Variants in CNTNAP5 observed in about 807,000 individuals in gnomAD.
CNTNAP5 encodes the protein contactin associated protein family member 5.
A neutral mutation model predicts 150.2 loss-of-function variants in CNTNAP5; 72 were observed. The observed-to-expected ratio is 0.48, with a 90% CI of 0.40 to 0.58. CNTNAP5 has a LOEUF of 0.58. Ranked by LOEUF, CNTNAP5 falls within the 20% of genes least tolerant of loss-of-function variation. The probability of loss-of-function intolerance (pLI) is 0.00; values close to 1 mark genes in which losing one functional copy is unlikely to be tolerated. For missense variants in CNTNAP5, 1,636 were observed against 1,626.2 expected (o/e 1.01, Z -0.10); for synonymous variants, 672 against 619.8 (o/e 1.08, Z -1.25).
chr2:124,856,132 T>G (rs919987251), intron 19 of CNTNAP5, among the ~76,000 whole-genome samples: 6 of 151,472 alleles, frequency 4.0e-5, no homozygotes, highest in Non-Finnish European at 7.4e-5. Context: ...ATAAAGAAAT[T>G]GTGTGTGGGG....
At chr2:124,231,815 A>G (rs771952208) in intron 2 of CNTNAP5, among the ~76,000 whole-genome samples, 11 of 152,146 alleles carry the variant, frequency 7.2e-5, no homozygotes, top group Non-Finnish European at 1.5e-4. Flanking sequence ...TCTCAAATTG[A>G]GACAAATTCA....
intron 19 of CNTNAP5, among the ~76,000 whole-genome samples, chr2:124,851,697 G>A (rs749973784): frequency 6.6e-6 from 1 of 152,166 alleles, no homozygotes; most frequent in Non-Finnish European, 1.5e-5. Flanking sequence ...AGTGAGGAAG[G>A]AGAAGGCAGA....
At chr2:124,140,143 C>T (rs1462020048) in intron 1 of CNTNAP5, among the ~76,000 whole-genome samples, 2 of 151,448 alleles carry the variant, frequency 1.3e-5, no homozygotes, top group East Asian at 2.0e-4. Context: ...GTCCTACACC[C>T]ACGGAATCTC....
chr2:124,794,815 A>T (rs765473094), intron 18 of CNTNAP5, among the ~76,000 whole-genome samples: 2 of 152,184 alleles, frequency 1.3e-5, no homozygotes, highest in South Asian at 2.1e-4. Flanking sequence ...AAAATCTCAG[A>T]TATAATACTA....
At chr2:124,306,109 C>A (rs1688684153) in intron 3 of CNTNAP5, among the ~76,000 whole-genome samples, 1 of 152,136 alleles carries the variant, frequency 6.6e-6, no homozygotes, top group African/African-American at 2.4e-5. Context: ...AGAACCACAA[C>A]TGAAATGGCT....
At chr2:124,342,445 C>T (rs926038691) in intron 3 of CNTNAP5, among the ~76,000 whole-genome samples, 6 of 152,172 alleles carry the variant, frequency 3.9e-5, no homozygotes, top group African/African-American at 1.2e-4. Context: ...ACCGTGTATT[C>T]ATAGTACTAG....
chr2:124,026,905 G>A (rs752398753), intron 1 of CNTNAP5, among the ~76,000 whole-genome samples: 12 of 152,232 alleles, frequency 7.9e-5, no homozygotes, highest in Admixed American at 2.6e-4. Flanking sequence ...TATCCCCGGA[G>A]TTATGTCTCA....
chr2:124,130,960 C>T (rs1318515555), intron 1 of CNTNAP5, among the ~76,000 whole-genome samples: 4 of 151,990 alleles, frequency 2.6e-5, no homozygotes, highest in Non-Finnish European at 5.9e-5. Context: ...ATAATAGTAC[C>T]AGCCCCAGAA....
At chr2:124,895,211 G>A (rs1021316716) in intron 21 of CNTNAP5, among the ~76,000 whole-genome samples, 3 of 151,458 alleles carry the variant, frequency 2.0e-5, no homozygotes, top group South Asian at 2.1e-4. Flanking sequence ...CTGTCAGTAT[G>A]TGTGCATTTT....
intron 13 of CNTNAP5, among the ~76,000 whole-genome samples, chr2:124,707,144 GAAGAAGAAGAAGAA>G (rs1679698933): frequency 3.2e-5 from 1 of 30,924 alleles, no homozygotes; most frequent in Non-Finnish European, 6.6e-5. Context: ...AGAAGAGGAA[GAAGAAGAAGAAGAA>G]GAAGAAGAAG....
intron 6 of CNTNAP5, among the ~76,000 whole-genome samples, chr2:124,474,069 C>CAACT (rs984422030): frequency 1.3e-5 from 2 of 151,974 alleles, no homozygotes; most frequent in Non-Finnish European, 2.9e-5. Context: ...GCTTTATGCT[C>CAACT]AACTTCTTAT....
chr2:124,567,478 C>T (rs912342679), intron 11 of CNTNAP5, among the ~76,000 whole-genome samples: 3 of 152,140 alleles, frequency 2.0e-5, no homozygotes, highest in African/African-American at 7.2e-5. Context: ...GGAAACCTAC[C>T]TCATAAAGTG....
Position 124,694,569 on chromosome 2 carries a change from A to G in CNTNAP5, c.2077+46611A>G, listed in dbSNP as rs891882468. Among the ~76,000 whole-genome samples, 5 of 152,324 alleles carry G rather than the reference A, an allele frequency of 3.3e-5. No individual in the cohort carries two copies. The East Asian group carries it at 9.7e-4, about 29-fold the overall frequency. ...ATAATACATGTAAACACATAGGCAC[A>G]GGTTTTTAGTGTCCCTAGTGTTTTA... On this transcript the variant is annotated intron_variant, in intron 13 of 23. Coordinates refer to ENST00000682447, the MANE Select transcript of CNTNAP5 (RefSeq NM_001367498.1).
chr2:124,734,581 C>G (rs1680343206), intron 13 of CNTNAP5, among the ~76,000 whole-genome samples: 1 of 151,882 alleles, frequency 6.6e-6, no homozygotes, highest in South Asian at 2.1e-4. Context: ...CACATGCACA[C>G]TAGATTTATA....
intron 12 of CNTNAP5, among the ~76,000 whole-genome samples, chr2:124,629,936 C>CAAAAAAAAAAAA (rs70996084): frequency 2.4e-4 from 16 of 67,710 alleles, no homozygotes; most frequent in South Asian, 6.9e-4. Flanking sequence ...CACCTCTATG[C>CAAAAAAAAAAAA]AAAAAAAAAA....
intron 10 of CNTNAP5, among the ~76,000 whole-genome samples, chr2:124,532,897 G>A (rs1330623409): frequency 6.6e-6 from 1 of 152,082 alleles, no homozygotes; most frequent in Non-Finnish European, 1.5e-5. Context: ...AATTCCTCTG[G>A]CCAAAGGTTT....
At position 124,456,686 on chromosome 2, in the gene CNTNAP5, C is replaced by T. The variant is rs141659626; in HGVS notation, c.918+9749C>T. Among the ~76,000 whole-genome samples, 589 of 152,200 alleles carry T rather than the reference C, an allele frequency of 3.9e-3. 4 individuals carry two copies. The highest frequency in any genetic ancestry group is 7.1e-3 in the Non-Finnish European group (482 of 68,000). On this transcript the variant is annotated intron_variant, in intron 6 of 23. Coordinates refer to ENST00000682447, the MANE Select transcript of CNTNAP5 (RefSeq NM_001367498.1). ...AAACTATACTATAAGGCCATAGTAA[C>T]CAAAACAGCATGGTACTGGAAGAAA... is the stretch of plus-strand genomic sequence containing the variant.
intron 12 of CNTNAP5, among the ~76,000 whole-genome samples, chr2:124,634,266 G>A (rs1474070162): frequency 6.6e-6 from 1 of 152,060 alleles, no homozygotes; most frequent in Non-Finnish European, 1.5e-5. Flanking sequence ...TCATGAATAT[G>A]AGCACATGCT....
intron 13 of CNTNAP5, among the ~76,000 whole-genome samples, chr2:124,654,792 C>T (rs550660569): frequency 3.3e-5 from 5 of 152,130 alleles, no homozygotes; most frequent in East Asian, 1.9e-4. Flanking sequence ...CACAGACACA[C>T]GCCTAAACAT....
Sources: gnomAD v4.1 joint callset for allele counts (sites outside exome capture counted in the v4.1 genomes callset) on GRCh38, gnomAD v4.1.1 for gene constraint, MANE v1.5 for transcripts, NCBI Gene and HGNC (gene_info 2026-07-23, HGNC 2026-07-21) for gene names.